Variants in MAST2 observed in about 807,000 individuals in gnomAD.
The protein encoded by MAST2 is microtubule associated serine/threonine kinase 2, also known as microtubule-associated serine/threonine-protein kinase 2.
A neutral mutation model predicts 147.4 loss-of-function variants in MAST2; 70 were observed. The ratio of observed to expected loss-of-function variants is 0.47; its 90% CI spans 0.39 to 0.58. The LOEUF (loss-of-function observed/expected upper bound fraction) is 0.58. Among genes scored for constraint, MAST2 ranks in the 20% least tolerant of loss-of-function variants. The pLI, the probability that MAST2 is intolerant of heterozygous loss-of-function variation, is 0.00. For missense variants in MAST2, 2,080 were observed against 2,302.3 expected, an observed-to-expected ratio of 0.90 and a Z score of 1.98; for synonymous variants, 869 against 896.8, an observed-to-expected ratio of 0.97 and a Z score of 0.55.
chr1:45,818,014 A>T (rs1450843958), intron 1 of MAST2, among the ~76,000 whole-genome samples: 2 of 152,188 alleles, frequency 1.3e-5, no homozygotes, highest in African/African-American at 4.8e-5. Context: ...TCTCTGCAAA[A>T]CGTTGTCGAG....
chr1:45,936,321 G>A (rs1656185499), intron 4 of MAST2, among the ~76,000 whole-genome samples: 1 of 152,038 alleles, frequency 6.6e-6, no homozygotes. Flanking sequence ...TAGGTATATA[G>A]AATGGTAATT....
At chr1:45,995,115 C>CG (rs560632379) in intron 5 of MAST2, among the ~76,000 whole-genome samples, 2 of 152,126 alleles carry the variant, frequency 1.3e-5, no homozygotes, top group Non-Finnish European at 2.9e-5. Context: ...GCTGGGATTA[C>CG]GGGCGTGAGC....
intron 3 of MAST2, among the ~76,000 whole-genome samples, chr1:45,834,344 G>A (rs1272003063): frequency 1.3e-5 from 2 of 152,092 alleles, no homozygotes; most frequent in Non-Finnish European, 2.9e-5. Flanking sequence ...GAATAGATAA[G>A]CAAAAGCCTT....
chr1:45,977,286 G>A (rs1376919886), intron 5 of MAST2, among the ~76,000 whole-genome samples: 3 of 151,948 alleles, frequency 2.0e-5, no homozygotes, highest in Non-Finnish European at 4.4e-5. Context: ...TCAGGAGTTC[G>A]AGACCAGCCT....
intron 5 of MAST2, among the ~76,000 whole-genome samples, chr1:45,961,647 A>G (rs1308746995): frequency 1.3e-5 from 2 of 152,206 alleles, no homozygotes; most frequent in Admixed American, 6.5e-5. Context: ...CTAGGGGGCA[A>G]GAATGGACAT....
intron 1 of MAST2, among the ~76,000 whole-genome samples, chr1:45,814,943 A>G (rs1437337663): frequency 6.6e-6 from 1 of 152,176 alleles, no homozygotes. Context: ...GGCTTAGAAG[A>G]TAGAATAGTC....
At chr1:46,020,449 T>C (rs1453720599) in intron 11 of MAST2, among the ~76,000 whole-genome samples, 2 of 152,180 alleles carry the variant, frequency 1.3e-5, no homozygotes, top group Non-Finnish European at 2.9e-5. Context: ...TCTGGAGTTT[T>C]TCATTACCCT....
At chr1:46,015,899 T>G (rs1645917248) in intron 10 of MAST2, among the ~76,000 whole-genome samples, 1 of 152,190 alleles carries the variant, frequency 6.6e-6, no homozygotes, top group South Asian at 2.1e-4. Flanking sequence ...CCAATATCCT[T>G]GATGAACATT....
chr1:45,939,593 T>C (rs549602865), intron 4 of MAST2, among the ~76,000 whole-genome samples: 4 of 152,040 alleles, frequency 2.6e-5, no homozygotes, highest in African/African-American at 9.6e-5. Context: ...CAGGCTGGAG[T>C]GCAATAGCGC....
chr1:46,006,486 C>A, intron 8 of MAST2, 91 bp downstream of exon 8: 2 of 1,241,024 alleles, frequency 1.6e-6, no homozygotes, highest in Non-Finnish European at 1.1e-6. Context: ...TATAAGGGGC[C>A]AAGATAGTAA....
At chr1:45,807,766 T>C (rs1027929390) in intron 1 of MAST2, among the ~76,000 whole-genome samples, 1 of 152,184 alleles carries the variant, frequency 6.6e-6, no homozygotes, top group Non-Finnish European at 1.5e-5. Flanking sequence ...GATCTCGAAC[T>C]CCTGACCTCA....
rs527998382 is a variant in MAST2 at position 45,900,172 on chromosome 1, T to C, written c.500+17777T>C. Among the ~76,000 whole-genome samples, 235 of 17,516 alleles carry C rather than the reference T, an allele frequency of 0.013. 2 individuals carry two copies. The South Asian group carries it at 0.14, about 10-fold the overall frequency. The allele number at this position is 17,516 out of a possible 152,430, so 11.5% of individuals were successfully genotyped here. A position where few individuals can be genotyped will look rare whatever the true frequency, so the allele number is the denominator to read the frequency against. ...GCGACAGAGCGAGACTCTCTCTCTCTCAAAAAAAAAAAAAAAAAAAAAAGA... is the reference window on the plus strand; with the variant it reads ...GCGACAGAGCGAGACTCTCTCTCTCCCAAAAAAAAAAAAAAAAAAAAAAGA... On this transcript the variant is annotated intron_variant, in intron 4 of 28. Coordinates refer to ENST00000361297, the MANE Select transcript of MAST2 (RefSeq NM_015112.3).
chr1:45,917,260 A>G, intron 4 of MAST2: 1 of 1,034,708 alleles, frequency 9.7e-7, no homozygotes, highest in Non-Finnish European at 1.3e-6. Context: ...TGCCTAAACC[A>G]AGCCACTTTG....
intron 4 of MAST2, among the ~76,000 whole-genome samples, chr1:45,919,309 G>A (rs1056325381): frequency 8.6e-5 from 13 of 152,006 alleles, no homozygotes; most frequent in Admixed American, 5.2e-4. Flanking sequence ...TAGAGGTTGG[G>A]GCGATAGTGA....
At chr1:45,823,128 C>T (rs1214079942) in intron 1 of MAST2, among the ~76,000 whole-genome samples, 1 of 151,968 alleles carries the variant, frequency 6.6e-6, no homozygotes, top group African/African-American at 2.4e-5. Context: ...TGGATAGTCA[C>T]CACCAACCAA....
chr1:46,023,459 G>C lies in MAST2; in HGVS notation c.1571+141G>C. Reference sequence around the variant, plus strand: ...TCACTCCCAGAAGCCTCCTGGGTGGGCAGGAGTTCAGATTCCTCTGACATC... The same window carrying C: ...TCACTCCCAGAAGCCTCCTGGGTGGCCAGGAGTTCAGATTCCTCTGACATC... On this transcript the variant is annotated intron_variant, in intron 14 of 28. Coordinates refer to ENST00000361297, the MANE Select transcript of MAST2 (RefSeq NM_015112.3). The surrounding 1 kb of genome is among the most constrained non-coding windows in gnomAD (Gnocchi z 4.9). 1.3e-6 allele frequency: 1 copy of C among 752,886 alleles called. No homozygotes were observed. The highest frequency in any genetic ancestry group is 2.3e-6 in the Non-Finnish European group (1 of 442,982). The allele number at this position is 752,886 out of a possible 1,614,324, so 46.6% of individuals were successfully genotyped here. A position where few individuals can be genotyped will look rare whatever the true frequency, so the allele number is the denominator to read the frequency against.
At chr1:45,880,355 TC>T (rs1646789674) in intron 3 of MAST2, among the ~76,000 whole-genome samples, 1 of 152,224 alleles carries the variant, frequency 6.6e-6, no homozygotes, top group Non-Finnish European at 1.5e-5. Context: ...GTAAAAGTAA[TC>T]TGTGGTGACA....
rs1646894705 is a variant in MAST2, at chr1:46,036,069, G to C, written c.*3G>C. The C allele has an allele frequency of 1.3e-6, 2 of 1,595,530 alleles. No individual in the cohort carries two copies. The highest frequency in any genetic ancestry group is 1.7e-6 in the Non-Finnish European group (2 of 1,170,446). ...ATGAGCTTTTAAAGCAAACATAGCA[G>C]TTGTTTGCCATTTCTTGCACTCAGA... On this transcript the variant is annotated 3_prime_UTR_variant, in exon 29 of 29. Transcript: ENST00000361297.
chr1:45,948,407 A>T (rs1023135495), intron 4 of MAST2, among the ~76,000 whole-genome samples: 1 of 152,084 alleles, frequency 6.6e-6, no homozygotes, highest in Non-Finnish European at 1.5e-5. Flanking sequence ...AAAATTATTT[A>T]AAAAATTATA....
Sources: allele counts gnomAD v4.1 joint callset (sites outside exome capture counted in the v4.1 genomes callset), GRCh38; gene constraint gnomAD v4.1.1; non-coding constraint Gnocchi (gnomAD v3.1); transcripts MANE v1.5; gene names NCBI Gene and HGNC (gene_info 2026-07-23, HGNC 2026-07-21).